MDGA2: variants seen among roughly 807,000 people sequenced by gnomAD.
The protein encoded by MDGA2 is MAM domain containing glycosylphosphatidylinositol anchor 2, also known as MAM domain-containing glycosylphosphatidylinositol anchor protein 2.
In MDGA2, 40 loss-of-function variants were observed where a neutral mutation model predicts 117.8. The observed-to-expected ratio is 0.34, with a 90% CI of 0.26 to 0.44. MDGA2 has a LOEUF of 0.44. Ranked by LOEUF, MDGA2 falls within the 20% of genes least tolerant of loss-of-function variation. The probability of loss-of-function intolerance (pLI) is 1.00; values close to 1 mark genes in which losing one functional copy is unlikely to be tolerated. For missense variants in MDGA2, 1,123 were observed against 1,250.6 expected (o/e 0.90, Z 1.54); for synonymous variants, 452 against 439.0 (o/e 1.03, Z -0.37).
At chr14:47,285,010 T>C (rs763197479) in intron 2 of MDGA2, among the ~76,000 whole-genome samples, 21 of 152,188 alleles carry the variant, frequency 1.4e-4, no homozygotes, top group Non-Finnish European at 1.9e-4. Context: ...ATCACAATAT[T>C]GGAACATTTA....
intron 1 of MDGA2, among the ~76,000 whole-genome samples, chr14:47,527,120 G>T (rs1029842114): frequency 1.3e-5 from 2 of 152,180 alleles, no homozygotes; most frequent in African/African-American, 4.8e-5. Context: ...AGAGGGTAAG[G>T]TCAAGTGTGT....
Position 47,187,250 on chromosome 14 carries a change from A to T in MDGA2, c.595+30771T>A, listed in dbSNP as rs556409899. 9.2e-5 allele frequency among the ~76,000 whole-genome samples: 14 copies of T among 152,182 alleles called. No homozygotes were observed. The South Asian group carries it at 2.5e-3, about 27-fold the overall frequency. On this transcript the variant is annotated intron_variant, in intron 3 of 16. Coordinates refer to ENST00000399232, the MANE Select transcript of MDGA2 (RefSeq NM_001113498.3). The stretch of plus-strand genomic sequence containing the variant: ...TGAATAAACCTATGTAAATCCCAGC[A>T]ACACTTAATATATACAATAAGCATA...
At chr14:47,061,601 G>A (rs889230070) in intron 6 of MDGA2, 23 bp from the exon 7 acceptor site, 2 of 1,570,554 alleles carry the variant, frequency 1.3e-6, no homozygotes, top group African/African-American at 2.7e-5. Context: ...AATTCCATAA[G>A]GAGTTAGTGT....
At chr14:47,021,524 A>T (rs533627588) in intron 8 of MDGA2, among the ~76,000 whole-genome samples, 1 of 152,220 alleles carries the variant, frequency 6.6e-6, no homozygotes, top group East Asian at 1.9e-4. Flanking sequence ...TCAATCTCTT[A>T]TTTTTTATTC....
intron 8 of MDGA2, among the ~76,000 whole-genome samples, chr14:47,027,998 T>C (rs1463846047): frequency 1.3e-5 from 2 of 152,158 alleles, no homozygotes; most frequent in African/African-American, 4.8e-5. Context: ...ACATTGTTTC[T>C]ATATACATTG....
chr14:47,086,532 T>A (rs1364905913), intron 6 of MDGA2, among the ~76,000 whole-genome samples: 2 of 152,130 alleles, frequency 1.3e-5, no homozygotes, highest in African/African-American at 4.8e-5. Context: ...TTAAGCATTA[T>A]TTTTAAATCA....
At chr14:47,577,308 T>C (rs1896134326) in intron 1 of MDGA2, among the ~76,000 whole-genome samples, 2 of 152,202 alleles carry the variant, frequency 1.3e-5, no homozygotes, top group African/African-American at 4.8e-5. Context: ...GTTAAAGACG[T>C]AAATGTAAAA....
intron 1 of MDGA2, among the ~76,000 whole-genome samples, chr14:47,468,613 T>C (rs1281967738): frequency 6.6e-6 from 1 of 152,106 alleles, no homozygotes; most frequent in Non-Finnish European, 1.5e-5. Flanking sequence ...AATCCTTAGC[T>C]GTGCCCAGCA....
chr14:47,449,708 A>T (rs1415541170), intron 1 of MDGA2, among the ~76,000 whole-genome samples: 1 of 152,174 alleles, frequency 6.6e-6, no homozygotes, highest in Admixed American at 6.6e-5. Context: ...GGTTTTCTAA[A>T]TATACATAAT....
chr14:46,953,996 C>A (rs1885465374), intron 9 of MDGA2, among the ~76,000 whole-genome samples: 1 of 152,108 alleles, frequency 6.6e-6, no homozygotes, highest in South Asian at 2.1e-4. Context: ...CTGCTGGAAA[C>A]ATCTTTTCTC....
intron 1 of MDGA2, among the ~76,000 whole-genome samples, chr14:47,494,934 C>T (rs936494620): frequency 2.0e-5 from 3 of 148,108 alleles, no homozygotes; most frequent in Admixed American, 1.4e-4. Context: ...ATATATTTTA[C>T]ATATACACAC....
chr14:47,603,423 G>T (rs148507014), intron 1 of MDGA2, among the ~76,000 whole-genome samples: 15 of 152,210 alleles, frequency 9.9e-5, no homozygotes, highest in Non-Finnish European at 2.1e-4. Context: ...CATCACTGTC[G>T]AAAGACTAGC....
chr14:47,665,380 G>C (rs1024730936), intron 1 of MDGA2, among the ~76,000 whole-genome samples: 2 of 152,190 alleles, frequency 1.3e-5, no homozygotes, highest in South Asian at 4.1e-4. Flanking sequence ...AGGTGACAGT[G>C]TGCTGGCAGC....
chr14:46,964,616 A>T (rs757603661), intron 8 of MDGA2, among the ~76,000 whole-genome samples: 3 of 152,186 alleles, frequency 2.0e-5, no homozygotes, highest in Non-Finnish European at 4.4e-5. Context: ...TCAGTTAATG[A>T]ACAGCATATT....
chr14:47,356,703 A>G (rs1053391567), intron 1 of MDGA2, among the ~76,000 whole-genome samples: 1 of 152,168 alleles, frequency 6.6e-6, no homozygotes, highest in Non-Finnish European at 1.5e-5. Context: ...GACCTCATTT[A>G]TTTAAATTGT....
intron 1 of MDGA2, among the ~76,000 whole-genome samples, chr14:47,420,324 G>A (rs1892553623): frequency 1.3e-5 from 2 of 152,232 alleles, no homozygotes; most frequent in South Asian, 4.1e-4. Flanking sequence ...TTCAAATGTG[G>A]AAGGAATGAG....
intron 5 of MDGA2, among the ~76,000 whole-genome samples, chr14:47,112,659 G>C (rs1332687161): frequency 2.0e-5 from 3 of 152,150 alleles, no homozygotes; most frequent in Non-Finnish European, 2.9e-5. Flanking sequence ...CATTTGGGTT[G>C]ATTCCATGTC....
chr14:47,570,179 C>A (rs558891249), intron 1 of MDGA2, among the ~76,000 whole-genome samples: 15 of 151,864 alleles, frequency 9.9e-5, no homozygotes, highest in Non-Finnish European at 1.8e-4. Context: ...GAATTAATTA[C>A]AAAAACTAAA....
chr14:47,129,159 T>C (rs1882061750), intron 5 of MDGA2, among the ~76,000 whole-genome samples: 1 of 152,062 alleles, frequency 6.6e-6, no homozygotes, highest in South Asian at 2.1e-4. Flanking sequence ...GTTAGTTACA[T>C]ATGTATACAT....
Sources: gnomAD v4.1 joint callset for allele counts (sites outside exome capture counted in the v4.1 genomes callset) on GRCh38, gnomAD v4.1.1 for gene constraint, MANE v1.5 for transcripts, NCBI Gene and HGNC (gene_info 2026-07-23, HGNC 2026-07-21) for gene names.